TMC2: variants seen among roughly 807,000 people sequenced by gnomAD.
TMC2 encodes transmembrane channel like 2.
A neutral mutation model predicts 105.9 loss-of-function variants in TMC2; 102 were observed. That is an observed-to-expected ratio of 0.96 (90% CI 0.82 to 1.14). The LOEUF (loss-of-function observed/expected upper bound fraction) is 1.14, where lower values mean the gene tolerates loss of function less well. Ranked by LOEUF, TMC2 falls within the 50% of genes most tolerant of loss-of-function variation. The pLI is 0.00. For synonymous variants in TMC2, 402 were observed against 422.8 expected (o/e 0.95, Z 0.60); for missense variants, 1,093 against 1,134.3 (o/e 0.96, Z 0.52).
chr20:2,549,463 C>T (rs912538318), intron 2 of TMC2, among the ~76,000 whole-genome samples: 24 of 152,300 alleles, frequency 1.6e-4, no homozygotes, highest in African/African-American at 4.6e-4. Context: ...ATTTTTCCAG[C>T]CAGGCATGGT....
At chr20:2,603,790 C>T (rs1408456809) in intron 11 of TMC2, among the ~76,000 whole-genome samples, 1 of 152,066 alleles carries the variant, frequency 6.6e-6, no homozygotes, top group Non-Finnish European at 1.5e-5. Context: ...AAGGCAAATG[C>T]TGACTTTTCA....
At chr20:2,601,157 T>C (rs1271285700) in intron 10 of TMC2, among the ~76,000 whole-genome samples, 1 of 152,218 alleles carries the variant, frequency 6.6e-6, no homozygotes, top group Non-Finnish European at 1.5e-5. Flanking sequence ...AGAGATATGC[T>C]ATGCTGATGG....
At chr20:2,597,654 AT>A (rs55869258) in intron 10 of TMC2, among the ~76,000 whole-genome samples, 13,064 of 145,004 alleles carry the variant, frequency 0.09, 1,479 homozygotes, top group African/African-American at 0.27. Flanking sequence ...TGCCCAGCTA[AT>A]TTTTTTTTTT....
Position 2,550,450 on chromosome 20 carries a change from T to C in TMC2, c.83-8006T>C, listed in dbSNP as rs997059026. ...TTCTCCTAGCATGTCGCATTGGGTG[T>C]GCTGCGTTTGTTACAACTGATGGGC... On this transcript the variant is annotated intron_variant, in intron 2 of 19. Coordinates refer to ENST00000358864, the MANE Select transcript of TMC2 (RefSeq NM_080751.3). 1.6e-4 allele frequency among the ~76,000 whole-genome samples: 24 copies of C among 152,320 alleles called. 1 individual carries two copies. The highest frequency in any genetic ancestry group is 5.3e-4 in the African/African-American group (22 of 41,570).
At chr20:2,554,286 A>G (rs1367069553) in intron 2 of TMC2, among the ~76,000 whole-genome samples, 2 of 152,162 alleles carry the variant, frequency 1.3e-5, no homozygotes, top group Non-Finnish European at 2.9e-5. Flanking sequence ...CAACGGAGCA[A>G]CACCCTGTCT....
At chr20:2,638,766 T>C (rs1436933850) in intron 19 of TMC2, among the ~76,000 whole-genome samples, 2 of 152,126 alleles carry the variant, frequency 1.3e-5, no homozygotes, top group African/African-American at 2.4e-5. Context: ...AAAAAGCTTA[T>C]CAAATAAGGA....
chr20:2,634,347 G>C (rs1196513693), intron 17 of TMC2, among the ~76,000 whole-genome samples: 2 of 152,234 alleles, frequency 1.3e-5, no homozygotes, highest in African/African-American at 2.4e-5. Context: ...GGGGGCCAGA[G>C]TGAATGTAGA....
rs147338856 is a variant in TMC2, at chr20:2,597,159, G to T, written c.1085G>T (p.Ser362Ile). 2.0e-5 allele frequency: 33 copies of T among 1,613,582 alleles called. No homozygotes were observed. The highest frequency in any genetic ancestry group is 2.5e-5 in the Non-Finnish European group (30 of 1,179,910). The stretch of plus-strand genomic sequence containing the variant: ...TGCTGTGTGCCCTACAGGATGGCCA[G>T]CAATACCCAAGGAAGCACAGGCGAA... Reference protein sequence around the residue: ...SLIIVIRSMASNTQGSTGEGE... With the variant: ...SLIIVIRSMAINTQGSTGEGE... The change falls in exon 10 of 20, where the codon AGC (serine) becomes ATC (isoleucine). Residue 362 changes from serine (S) to isoleucine (I), a missense_variant. By Grantham distance (142) the Ser-to-Ile change is moderately radical. Transcript: ENST00000358864.
intron 7 of TMC2, among the ~76,000 whole-genome samples, chr20:2,580,467 GT>G (rs990885676): frequency 1.3e-5 from 2 of 151,850 alleles, no homozygotes; most frequent in South Asian, 2.1e-4. Flanking sequence ...GTTTCAATGA[GT>G]TTTTTTCTTT....
intron 3 of TMC2, among the ~76,000 whole-genome samples, chr20:2,560,914 A>G (rs1439946930): frequency 6.6e-6 from 1 of 151,898 alleles, no homozygotes; most frequent in Non-Finnish European, 1.5e-5. Flanking sequence ...TTTTGTGACA[A>G]CTGAGCACAT....
At chr20:2,567,601 T>C (rs2086073444) in intron 4 of TMC2, among the ~76,000 whole-genome samples, 2 of 152,176 alleles carry the variant, frequency 1.3e-5, no homozygotes, top group South Asian at 4.1e-4. Context: ...TCTCACTATA[T>C]TGCTCAGGCT....
intron 16 of TMC2, among the ~76,000 whole-genome samples, chr20:2,620,650 T>G (rs949105208): frequency 2.6e-5 from 4 of 152,184 alleles, no homozygotes; most frequent in African/African-American, 9.7e-5. Flanking sequence ...GGCAGATCAT[T>G]GGCCTCCCAG....
chr20:2,571,693 C>T (rs2086104105), intron 4 of TMC2, among the ~76,000 whole-genome samples: 1 of 152,156 alleles, frequency 6.6e-6, no homozygotes. Context: ...CCAGAATAAT[C>T]TCCTTATTTT....
intron 16 of TMC2, 84 bp from the exon 17 acceptor site, chr20:2,624,187 A>T (rs1342677992): frequency 6.9e-7 from 1 of 1,454,394 alleles, no homozygotes; most frequent in Non-Finnish European, 9.3e-7. Context: ...GCAGCCCTGG[A>T]CCTGGGTAGG....
chr20:2,641,682 G>A lies in TMC2; in HGVS notation c.*331G>A, dbSNP rs940309073. On this transcript the variant is annotated 3_prime_UTR_variant, in exon 20 of 20. Coordinates refer to ENST00000358864, the MANE Select transcript of TMC2 (RefSeq NM_080751.3). Reference sequence around the variant, plus strand: ...TTGGGGAAGGGCCATGACCACCCTCGTAGACTTTTTCCATGGGATACAGTT... The same window carrying A: ...TTGGGGAAGGGCCATGACCACCCTCATAGACTTTTTCCATGGGATACAGTT... 2 of 272,620 alleles carry A rather than the reference G, an allele frequency of 7.3e-6. No homozygotes were observed. Among genetic ancestry groups the A allele is most frequent in the Non-Finnish European group, 7.1e-6 (1 of 140,618 alleles). 16.9% of individuals were successfully genotyped at this position (272,620 alleles called of 1,614,324 possible).
In TMC2 at chr20:2,637,606, A is replaced by C; in HGVS notation, c.2503+15A>C. 1.9e-6 allele frequency: 3 copies of C among 1,566,884 alleles called. No individual in the cohort carries two copies. The highest frequency in any genetic ancestry group is 2.2e-5 in the South Asian group (2 of 89,974). On this transcript the variant is annotated intron_variant, in intron 19 of 19. Coordinates refer to ENST00000358864, the MANE Select transcript of TMC2 (RefSeq NM_080751.3). Reference sequence around the variant, plus strand: ...CACCAAGGAAGGTAAGCTCTTTGTCATAATGATTATGTTTTACAAGGCCAC... The same window carrying C: ...CACCAAGGAAGGTAAGCTCTTTGTCCTAATGATTATGTTTTACAAGGCCAC...
At chr20:2,563,103 C>G (rs1369121675) in intron 4 of TMC2, among the ~76,000 whole-genome samples, 1 of 152,188 alleles carries the variant, frequency 6.6e-6, no homozygotes, top group Non-Finnish European at 1.5e-5. Context: ...CCCGTTTCCT[C>G]TGTAGGAAGC....
intron 2 of TMC2, among the ~76,000 whole-genome samples, chr20:2,546,718 T>C (rs143267570): frequency 6.6e-6 from 1 of 152,202 alleles, no homozygotes; most frequent in African/African-American, 2.4e-5. Flanking sequence ...AATAGTTCTT[T>C]GTTGAAGACA....
intron 2 of TMC2, among the ~76,000 whole-genome samples, chr20:2,541,364 G>A (rs2085888612): frequency 6.6e-6 from 1 of 152,164 alleles, no homozygotes; most frequent in South Asian, 2.1e-4. Flanking sequence ...TTTTAGGCTG[G>A]GCATGGTGGC....
Sources: gnomAD v4.1 joint callset for allele counts (sites outside exome capture counted in the v4.1 genomes callset) on GRCh38, gnomAD v4.1.1 for gene constraint, MANE v1.5 for transcripts, NCBI Gene and HGNC (gene_info 2026-07-23, HGNC 2026-07-21) for gene names.